RAB36: variants seen among roughly 807,000 people sequenced by gnomAD.
RAB36 encodes RAB36, member RAS oncogene family, also known as ras-related protein Rab-36.
In RAB36, 33 loss-of-function variants were observed where a neutral mutation model predicts 39.3. That is an observed-to-expected ratio of 0.84 (90% CI 0.64 to 1.12). The LOEUF (loss-of-function observed/expected upper bound fraction) is 1.12, where lower values mean the gene tolerates loss of function less well. RAB36 is among the 50% of genes most tolerant of loss of function. The probability of loss-of-function intolerance (pLI) is 0.00; values close to 1 mark genes in which losing one functional copy is unlikely to be tolerated. For missense variants in RAB36, 308 were observed against 355.3 expected (o/e 0.87, Z 1.07); for synonymous variants, 133 against 140.2 (o/e 0.95, Z 0.36).
intron 3 of RAB36, 98 bp downstream of exon 3, chr22:23,150,252 C>A: frequency 4.2e-6 from 4 of 962,718 alleles, no homozygotes; most frequent in South Asian, 1.4e-5. Flanking sequence ...ACACACGAGG[C>A]TGGTGCAGCC....
At chr22:23,161,360 T>A in intron 10 of RAB36, 140 bp from the exon 11 acceptor site, 1 of 823,626 alleles carries the variant, frequency 1.2e-6, no homozygotes, top group Non-Finnish European at 2.0e-6. Flanking sequence ...CTCTCTTGGC[T>A]TGTGTCAGGC....
chr22:23,149,156 A>G (rs1216718404), intron 2 of RAB36, among the ~76,000 whole-genome samples: 4 of 136,896 alleles, frequency 2.9e-5, no homozygotes, highest in African/African-American at 8.0e-5. Flanking sequence ...GGATCCAAGC[A>G]GTGTTCAGAG....
At chr22:23,159,833 C>T (rs1487003368) in intron 9 of RAB36, among the ~76,000 whole-genome samples, 1 of 152,248 alleles carries the variant, frequency 6.6e-6, no homozygotes, top group Non-Finnish European at 1.5e-5. Flanking sequence ...CCTGGCCATA[C>T]TGGGTCCCCA....
chr22:23,154,848 G>T (rs760226667), intron 5 of RAB36, among the ~76,000 whole-genome samples: 1 of 152,170 alleles, frequency 6.6e-6, no homozygotes, highest in East Asian at 1.9e-4. Context: ...GACCATGACC[G>T]GGCATGGTGG....
chr22:23,146,822 G>A, intron 2 of RAB36, 137 bp downstream of exon 2: 1 of 1,411,402 alleles, frequency 7.1e-7, no homozygotes, highest in South Asian at 1.5e-5. Flanking sequence ...TGAGGAGCTG[G>A]GAGACTGGTC....
chr22:23,165,942 A>T (rs542756021), downstream of RAB36, among the ~76,000 whole-genome samples: 2 of 151,976 alleles, frequency 1.3e-5, no homozygotes, highest in Non-Finnish European at 2.9e-5. Context: ...GTCAGGAGAT[A>T]GAGACCATCC....
Position 23,163,606 on chromosome 22 carries a change from G to GCCCCCCCCCCCCCCCCCC in RAB36, c.*2052_*2053insCCCCCCCCCCCCCCCCCC, listed in dbSNP as rs71744650. ...AAAGCATATAAAATACAAGGTGAAA[G>GCCCCCCCCCCCCCCCCCC]CCCCCCCCCCGCCACATTAGCTGCG... On this transcript the variant is annotated 3_prime_UTR_variant, in exon 11 of 11. Transcript: ENST00000263116. The GCCCCCCCCCCCCCCCCCC allele has an allele frequency of 8.0e-5, 10 of 125,218 alleles. No homozygotes were observed. The highest frequency in any genetic ancestry group is 1.8e-4 in the Non-Finnish European group (10 of 55,726). 7.8% of individuals were successfully genotyped at this position (125,218 alleles called of 1,614,324 possible).
chr22:23,146,041 A>T, intron 1 of RAB36: 1 of 983,004 alleles, frequency 1.0e-6, no homozygotes, highest in Non-Finnish European at 1.2e-6. Context: ...GTAAGCTCAG[A>T]GGGGAGCTCC....
intron 3 of RAB36, 83 bp downstream of exon 3, chr22:23,150,237 AAC>A (rs2146507667): frequency 9.0e-7 from 1 of 1,105,400 alleles, no homozygotes; most frequent in Non-Finnish European, 1.3e-6. Flanking sequence ...GAACAAATGA[AAC>A]ACACACACGA....
intron 6 of RAB36, among the ~76,000 whole-genome samples, 178 bp from the exon 7 acceptor site, chr22:23,157,814 C>T (rs1002754603): frequency 1.3e-5 from 2 of 152,332 alleles, no homozygotes; most frequent in South Asian, 2.1e-4. Flanking sequence ...TGGAGGGTCC[C>T]GGTGGGGGAC....
chr22:23,159,231 C>T lies in RAB36; in HGVS notation c.597C>T (p.Tyr199=). Residue 199 remains tyrosine (Y), a synonymous_variant, in exon 9 of 11, where the codon TAC becomes TAT. Coordinates refer to ENST00000263116, the MANE Select transcript of RAB36 (RefSeq NM_004914.5). ...VHLAREMQAE[Y]WSVSAKTGEN... is the part of the protein sequence containing the mutation. ...TGGCCAGGGAGATGCAGGCCGAGTACTGGTCAGTGTCGGCCAAGACTGGTG... is the reference window on the plus strand; with the variant it reads ...TGGCCAGGGAGATGCAGGCCGAGTATTGGTCAGTGTCGGCCAAGACTGGTG... 1.2e-6 allele frequency: 2 copies of T among 1,601,180 alleles called. No individual in the cohort carries two copies. The highest frequency in any genetic ancestry group is 1.1e-5 in the South Asian group (1 of 88,622).
In RAB36 at chr22:23,162,557, C is replaced by A. The variant is rs1418060303; in HGVS notation, c.*993C>A. 5 of 443,218 alleles carry A rather than the reference C, an allele frequency of 1.1e-5. No homozygotes were observed. Among genetic ancestry groups the A allele is most frequent in the Non-Finnish European group, 2.3e-5 (5 of 217,938 alleles). The allele number at this position is 443,218 out of a possible 1,614,324, so 27.5% of individuals were successfully genotyped here. On this transcript the variant is annotated 3_prime_UTR_variant, in exon 11 of 11. Coordinates refer to ENST00000263116, the MANE Select transcript of RAB36 (RefSeq NM_004914.5). Reference sequence around the variant, plus strand: ...GTCTAGCATGTTCCTGTCTCCAACACCGCCTCCTGCACATGCAGAGCAGAC... The same window carrying A: ...GTCTAGCATGTTCCTGTCTCCAACAACGCCTCCTGCACATGCAGAGCAGAC...
chr22:23,146,663 G>T lies in RAB36; in HGVS notation c.47G>T (p.Arg16Leu). ...TPLGPPVSRD[R>L]VIASFPKWYT... ...TTGGGGCCCCCTGTGAGCCGCGACC[G>T]TGTCATCGCCAGCTTCCCTAAGGTA... Residue 16 changes from arginine to leucine, a missense_variant, in exon 2 of 11, where the codon CGT (arginine) becomes CTT (leucine). Coordinates refer to ENST00000263116, the MANE Select transcript of RAB36 (RefSeq NM_004914.5). 1.2e-6 allele frequency: 2 copies of T among 1,613,980 alleles called. No individual in the cohort carries two copies. The highest frequency in any genetic ancestry group is 1.7e-6 in the Non-Finnish European group (2 of 1,179,938).
intron 3 of RAB36, among the ~76,000 whole-genome samples, chr22:23,151,066 G>A (rs769611544): frequency 1.3e-5 from 2 of 152,258 alleles, no homozygotes; most frequent in African/African-American, 4.8e-5. Context: ...GGAGCTCATA[G>A]TCTGCTCAGG....
At position 23,165,391 on chromosome 22, in the gene RAB36, G is replaced by A. The variant is rs1205457037; in HGVS notation, c.*3827G>A. Among the ~76,000 whole-genome samples the A allele has an allele frequency of 1.4e-4, 22 of 152,188 alleles. No homozygotes were observed. Among genetic ancestry groups the A allele is most frequent in the African/African-American group, 5.3e-4 (22 of 41,440 alleles). On this transcript the variant is annotated 3_prime_UTR_variant, in exon 11 of 11. Transcript: ENST00000263116. ...GCAAACCCCAGTCCTGTCTGACCCA[G>A]AGACCCTCACAGGGCATCAGCCAGT...
At chr22:23,155,300 G>T (rs2071392062) in intron 5 of RAB36, among the ~76,000 whole-genome samples, 1 of 152,186 alleles carries the variant, frequency 6.6e-6, no homozygotes, top group South Asian at 2.1e-4. Flanking sequence ...GCCAGGGCAG[G>T]TAGATCTCAG....
In RAB36 at chr22:23,153,060, C is replaced by T. The variant is rs137928000; in HGVS notation, c.255C>T (p.Asp85=). 1.2e-6 allele frequency: 2 copies of T among 1,613,964 alleles called. No homozygotes were observed. The highest frequency in any genetic ancestry group is 2.2e-5 in the East Asian group (1 of 44,900). Residue 85 remains aspartate, a synonymous_variant, in exon 5 of 11, where the codon GAC becomes GAT. Coordinates refer to ENST00000263116, the MANE Select transcript of RAB36 (RefSeq NM_004914.5). The stretch of plus-strand genomic sequence containing the variant: ...TTTGCAAGAATGTTTTTGATCGAGA[C>T]TACAAGGCCACCATTGGGGTGGACT... ...HRFCKNVFDR[D]YKATIGVDFE...
chr22:23,146,447 A>G (rs1314223087), intron 1 of RAB36, among the ~76,000 whole-genome samples, 158 bp from the exon 2 acceptor site: 1 of 152,008 alleles, frequency 6.6e-6, no homozygotes, highest in African/African-American at 2.4e-5. Flanking sequence ...CCTGGGCCCA[A>G]GTGATCCTCC....
chr22:23,159,130 G>A, intron 8 of RAB36, 33 bp from the exon 9 acceptor site: 1 of 1,606,608 alleles, frequency 6.2e-7, no homozygotes, highest in Admixed American at 1.7e-5. Context: ...AGGAGAGCCG[G>A]GACGCTGGGT....
Sources: allele counts gnomAD v4.1 joint callset (sites outside exome capture counted in the v4.1 genomes callset), GRCh38; gene constraint gnomAD v4.1.1; transcripts MANE v1.5; gene names NCBI Gene and HGNC (gene_info 2026-07-23, HGNC 2026-07-21).